Variants in RABGGTB observed in about 807,000 individuals in gnomAD.
RABGGTB encodes Rab geranylgeranyltransferase subunit beta, also known as geranylgeranyl transferase type-2 subunit beta.
A neutral mutation model predicts 44.5 loss-of-function variants in RABGGTB; 20 were observed. The ratio of observed to expected loss-of-function variants is 0.45; its 90% CI spans 0.32 to 0.65. The LOEUF (loss-of-function observed/expected upper bound fraction) is 0.65. Among genes scored for constraint, RABGGTB ranks in the 30% least tolerant of loss-of-function variants. The pLI, the probability that RABGGTB is intolerant of heterozygous loss-of-function variation, is 0.05. For synonymous variants in RABGGTB, 128 were observed against 136.7 expected (o/e 0.94, Z 0.44); for missense variants, 302 against 398.7 (o/e 0.76, Z 2.06).
Position 75,794,104 on chromosome 1 carries a change from A to G in RABGGTB, c.726A>G (p.Ser242=). 6.2e-7 allele frequency: 1 copy of G among 1,605,638 alleles called. No individual in the cohort carries two copies. The highest frequency in any genetic ancestry group is 8.5e-7 in the Non-Finnish European group (1 of 1,174,890). ...CCTAGTTACCAGATGTATGCTACTCATGGTGGGTCCTGGCTTCCCTAAAGA... is the reference window on the plus strand; with the variant it reads ...CCTAGTTACCAGATGTATGCTACTCGTGGTGGGTCCTGGCTTCCCTAAAGA... The part of the protein sequence containing the change: ...RPEKLPDVCY[S]WWVLASLKII... Residue 242 remains serine (S), a synonymous_variant, in exon 8 of 9, where the codon TCA becomes TCG. Coordinates refer to ENST00000319942, the MANE Select transcript of RABGGTB (RefSeq NM_004582.4).
chr1:75,791,382 C>G, intron 5 of RABGGTB, 45 bp downstream of exon 5: 2 of 1,560,624 alleles, frequency 1.3e-6, no homozygotes, highest in South Asian at 2.3e-5. Context: ...TTCATGAATA[C>G]TCTGGAATTT....
intron 2 of RABGGTB, 77 bp downstream of exon 2, chr1:75,787,681 G>A: frequency 8.4e-7 from 1 of 1,184,360 alleles, no homozygotes; most frequent in South Asian, 1.2e-5. Context: ...CAGTATTTAT[G>A]TCTTAAAATG....
chr1:75,791,464 A>AT lies in RABGGTB; in HGVS notation c.472_473insT (p.Lys158IlefsTer3), dbSNP rs1649644416. On this transcript the variant is annotated frameshift_variant, in exon 6 of 9. Transcript: ENST00000319942. LOFTEE classifies it high-confidence loss of function. ...GCATCTTTTTTTTTGTTTGTAGGGGAAGCTTGATGCTATTAATGTGGAAAA... is the reference window on the plus strand; with the variant it reads ...GCATCTTTTTTTTTGTTTGTAGGGGATAGCTTGATGCTATTAATGTGGAAAA... The AT allele has an allele frequency of 1.9e-6, 3 of 1,608,336 alleles. No homozygotes were observed. Among genetic ancestry groups the AT allele is most frequent in the Non-Finnish European group, 2.5e-6 (3 of 1,178,390 alleles).
Position 75,790,031 on chromosome 1 carries a change from A to T in RABGGTB, c.389A>T (p.Asp130Val), listed in dbSNP as rs1437697371. ...TATGTTAAAGGTCTACAGAAAGAAGATGGTTCTTTTGCTGGAGATATTTGG... is the reference window on the plus strand; with the variant it reads ...TATGTTAAAGGTCTACAGAAAGAAGTTGGTTCTTTTGCTGGAGATATTTGG... ...VEYVKGLQKE[D>V]GSFAGDIWGE... The change falls in exon 4 of 9, where the codon GAT (aspartate) becomes GTT (valine). Residue 130 changes from aspartate to valine, a missense_variant. This residue lies in a region of RABGGTB where 213 missense variants were observed against 323.7 expected (regional missense o/e 0.66). Transcript: ENST00000319942. 6.2e-7 allele frequency: 1 copy of T among 1,612,748 alleles called. No homozygotes were observed. The highest frequency in any genetic ancestry group is 8.5e-7 in the Non-Finnish European group (1 of 1,178,966).
chr1:75,786,772 T>G, intron 1 of RABGGTB: 1 of 298,320 alleles, frequency 3.4e-6, no homozygotes, highest in Non-Finnish European at 6.4e-6. Context: ...TGGGGACTTC[T>G]GCAAATACAG....
chr1:75,786,581 G>A (rs899120193), intron 1 of RABGGTB: 28 of 391,770 alleles, frequency 7.1e-5, no homozygotes, highest in South Asian at 4.2e-4. Flanking sequence ...TCTTGGAGAG[G>A]GGGTGTCAAA....
Position 75,791,864 on chromosome 1 carries a change from A to T in RABGGTB, c.579+293A>T, listed in dbSNP as rs377109044. 534 of 412,854 alleles carry T rather than the reference A, an allele frequency of 1.3e-3. 1 individual carries two copies. Among genetic ancestry groups the T allele is most frequent in the African/African-American group, 0.01 (495 of 49,242 alleles). 25.6% of individuals were successfully genotyped at this position (412,854 alleles called of 1,614,324 possible). ...AACCATACAGATAAAAAAAAAAACA[A>T]CACATTTTTCTTTCTTTCCTAAGAT... On this transcript the variant is annotated intron_variant, in intron 6 of 8. Coordinates refer to ENST00000319942, the MANE Select transcript of RABGGTB (RefSeq NM_004582.4).
intron 1 of RABGGTB, chr1:75,787,209 G>A (rs1557479039): frequency 3.2e-6 from 2 of 629,968 alleles, no homozygotes. Context: ...TTTTTTGTTG[G>A]ATACAATTTG....
chr1:75,790,294 C>T (rs1330463405), intron 4 of RABGGTB: 5 of 1,231,544 alleles, frequency 4.1e-6, no homozygotes, highest in Non-Finnish European at 4.0e-6. Flanking sequence ...ATTTTTTTCC[C>T]CAATATTTGG....
chr1:75,792,135 T>C (rs369779721), intron 6 of RABGGTB, 46 bp from the exon 7 acceptor site: 104 of 1,516,816 alleles, frequency 6.9e-5, no homozygotes, highest in Non-Finnish European at 8.9e-5. Flanking sequence ...TCACTTTTAA[T>C]GTCAAGAAAT....
chr1:75,789,623 T>C, intron 3 of RABGGTB: 1 of 656,826 alleles, frequency 1.5e-6, no homozygotes, highest in Non-Finnish European at 2.8e-6. Flanking sequence ...ATTTTGATAT[T>C]AGTGAACATC....
At chr1:75,789,431 C>T (rs750241358) in intron 3 of RABGGTB, 75 bp downstream of exon 3, 1 of 1,470,374 alleles carries the variant, frequency 6.8e-7, no homozygotes, top group Admixed American at 1.7e-5. Flanking sequence ...GAAACTGTAT[C>T]AGGATTTGGT....
intron 6 of RABGGTB, chr1:75,791,859 A>C (rs987157705): frequency 1.4e-4 from 57 of 419,184 alleles, no homozygotes; most frequent in African/African-American, 9.1e-4. Flanking sequence ...ATAAAAAAAA[A>C]AACAACACAT....
rs1269160532 is a variant in RABGGTB, at chr1:75,794,811, C to T, written c.*161C>T. ...ATTATACATATTGTAAAATAAAGAC[C>T]GGTATTTTATTTTCTGCTTTTTATT... On this transcript the variant is annotated 3_prime_UTR_variant, in exon 9 of 9. Transcript: ENST00000319942. 5 of 449,512 alleles carry T rather than the reference C, an allele frequency of 1.1e-5. No homozygotes were observed. The highest frequency in any genetic ancestry group is 7.7e-4 in the Middle Eastern group (1 of 1,302). 27.8% of individuals were successfully genotyped at this position (449,512 alleles called of 1,614,324 possible).
intron 3 of RABGGTB, 53 bp from the exon 4 acceptor site, chr1:75,789,899 T>A (rs1375337500): frequency 7.6e-7 from 1 of 1,318,276 alleles, no homozygotes; most frequent in Non-Finnish European, 1.1e-6. Flanking sequence ...GAGCATAAGA[T>A]CATTAGAATA....
chr1:75,792,091 G>C (rs1210871672), intron 6 of RABGGTB, 90 bp from the exon 7 acceptor site: 1 of 1,140,540 alleles, frequency 8.8e-7, no homozygotes, highest in Admixed American at 2.2e-5. Flanking sequence ...AAAAACTTAA[G>C]ATATAAAGTG....
chr1:75,791,634 A>G lies in RABGGTB; in HGVS notation c.579+63A>G. ...TGGAAGCCAGTGTAGTAAAATAAGA[A>G]AATTGGTTATTTCAGTGTTTGTCAA... On this transcript the variant is annotated intron_variant, in intron 6 of 8. Coordinates refer to ENST00000319942, the MANE Select transcript of RABGGTB (RefSeq NM_004582.4). 4 of 1,403,700 alleles carry G rather than the reference A, an allele frequency of 2.8e-6. No individual in the cohort carries two copies. In the South Asian group the frequency reaches 4.9e-5, roughly 17 times the overall value. The allele number at this position is 1,403,700 out of a possible 1,614,324, so 87.0% of individuals were successfully genotyped here.
intron 2 of RABGGTB, 168 bp from the exon 3 acceptor site, chr1:75,788,991 G>A: frequency 1.7e-6 from 1 of 601,032 alleles, no homozygotes. Context: ...TCTGAAGATG[G>A]CTTCTAACAT....
intron 4 of RABGGTB, chr1:75,790,653 T>C: frequency 3.9e-6 from 1 of 258,928 alleles, no homozygotes; most frequent in African/African-American, 2.3e-5. Flanking sequence ...TGGCAGGGTC[T>C]TGGCTCTGTC....
Sources: allele counts gnomAD v4.1 joint callset, GRCh38; gene constraint gnomAD v4.1.1; regional missense constraint gnomAD v4.1.1; transcripts MANE v1.5; gene names NCBI Gene and HGNC (gene_info 2026-07-23, HGNC 2026-07-21).